The following EYS variants were observed in gnomAD, a reference collection of about 807,000 sequenced individuals.
EYS encodes protein eyes shut homolog.
In EYS, 250 loss-of-function variants were observed where a neutral mutation model predicts 282.1. That is an observed-to-expected ratio of 0.89 (90% CI 0.80 to 0.98). The LOEUF is 0.98. Ranked by LOEUF, EYS falls within the 50% of genes least tolerant of loss-of-function variation. EYS has a pLI of 0.00. For synonymous variants in EYS, 1,355 were observed against 1,282.9 expected (o/e 1.06, Z -1.20); for missense variants, 4,016 against 3,709.0 (o/e 1.08, Z -2.15).
intron 24 of EYS, among the ~76,000 whole-genome samples, chr6:64,615,180 A>G (rs186633569): frequency 1.5e-4 from 23 of 152,070 alleles, no homozygotes; most frequent in African/African-American, 5.1e-4. Context: ...ATGCAAATCA[A>G]TTTACCTTTT....
At chr6:65,399,900 T>C (rs17499123) in intron 7 of EYS, among the ~76,000 whole-genome samples, 13,440 of 152,072 alleles carry the variant, frequency 0.088, 846 homozygotes, top group Non-Finnish European at 0.13. Flanking sequence ...GACTTCATGG[T>C]TGCAAAATGA....
intron 19 of EYS, among the ~76,000 whole-genome samples, chr6:64,825,857 CA>C (rs566346677): frequency 3.2e-4 from 49 of 151,596 alleles, no homozygotes; most frequent in African/African-American, 1.2e-3. Context: ...AACTATGAAT[CA>C]AAATTTCTCT....
chr6:63,790,922 C>A (rs1413559235), intron 37 of EYS, among the ~76,000 whole-genome samples: 1 of 151,938 alleles, frequency 6.6e-6, no homozygotes, highest in Non-Finnish European at 1.5e-5. Flanking sequence ...TCAGCTGTAT[C>A]CTTCCTTTCT....
At chr6:64,574,494 A>G (rs1215495241) in intron 26 of EYS, among the ~76,000 whole-genome samples, 1 of 152,198 alleles carries the variant, frequency 6.6e-6, no homozygotes, top group African/African-American at 2.4e-5. Flanking sequence ...CCACTTCCCC[A>G]TGTAATATTG....
At chr6:64,949,961 C>G (rs1447449208) in intron 14 of EYS, among the ~76,000 whole-genome samples, 1 of 151,858 alleles carries the variant, frequency 6.6e-6, no homozygotes. Context: ...CTAGGCAAAA[C>G]AGTCTAGATC....
chr6:64,043,389 G>T (rs570550342), intron 33 of EYS, among the ~76,000 whole-genome samples: 7 of 152,318 alleles, frequency 4.6e-5, no homozygotes, highest in African/African-American at 1.7e-4. Flanking sequence ...TTACTGAAGA[G>T]CATGGGGACA....
intron 36 of EYS, among the ~76,000 whole-genome samples, chr6:63,829,709 G>C (rs941307023): frequency 6.6e-6 from 1 of 152,228 alleles, no homozygotes; most frequent in Non-Finnish European, 1.5e-5. Flanking sequence ...GCTTTGAAGA[G>C]AGTAGTGGTT....
At chr6:64,436,491 C>T (rs1187235640) in intron 27 of EYS, among the ~76,000 whole-genome samples, 1 of 151,742 alleles carries the variant, frequency 6.6e-6, no homozygotes, top group African/African-American at 2.4e-5. Flanking sequence ...CACATGCATA[C>T]ATGTGTACAC....
chr6:65,154,679 C>T lies in EYS; in HGVS notation c.2024-96952G>A, dbSNP rs534892937. ...GGATAATCTTTGAGTAGTCCCTTCA[C>T]TAAGTACATTTAATTACCTCCATTA... On this transcript the variant is annotated intron_variant, in intron 12 of 42. Transcript: ENST00000503581. Among the ~76,000 whole-genome samples, 3 of 151,508 alleles carry T rather than the reference C, an allele frequency of 2.0e-5. No homozygotes were observed. The South Asian group carries it at 6.2e-4, about 31-fold the overall frequency.
At chr6:64,603,465 C>T (rs571329950) in intron 24 of EYS, among the ~76,000 whole-genome samples, 3 of 152,116 alleles carry the variant, frequency 2.0e-5, no homozygotes, top group South Asian at 2.1e-4. Flanking sequence ...CACAGAACTT[C>T]GCCCTTCTTG....
At chr6:63,952,989 G>A (rs1034387349) in intron 35 of EYS, among the ~76,000 whole-genome samples, 2 of 152,142 alleles carry the variant, frequency 1.3e-5, no homozygotes, top group Admixed American at 6.5e-5. Context: ...CCAAAAACTG[G>A]ACAAGTCTTA....
intron 31 of EYS, among the ~76,000 whole-genome samples, chr6:64,169,333 C>A (rs1424841077): frequency 1.3e-5 from 2 of 151,306 alleles, no homozygotes; most frequent in African/African-American, 4.9e-5. Context: ...GATGCGTGAT[C>A]AGAGATATAC....
At chr6:65,203,215 G>A (rs1370699529) in intron 12 of EYS, among the ~76,000 whole-genome samples, 1 of 152,158 alleles carries the variant, frequency 6.6e-6, no homozygotes, top group Non-Finnish European at 1.5e-5. Context: ...CACAACTGCT[G>A]AAACCAGTTT....
In EYS at chr6:64,593,177, A is replaced by G. The variant is rs1226098665; in HGVS notation, c.3817T>C (p.Phe1273Leu). Reference sequence around the variant, plus strand: ...ATTCTAGTAGCCTTTATAGATGGAAAGCTGCTGACCAAAGTCTCAGAAGGG... The same window carrying G: ...ATTCTAGTAGCCTTTATAGATGGAAGGCTGCTGACCAAAGTCTCAGAAGGG... ...IPPSETLVSS[F>L]PSIKATRIPA... Residue 1273 changes from phenylalanine (F) to leucine (L), a missense_variant, in exon 25 of 43, where the codon TTT (phenylalanine) becomes CTT (leucine). By Grantham distance (22) the Phe-to-Leu change is conservative. Coordinates refer to ENST00000503581, the MANE Select transcript of EYS (RefSeq NM_001142800.2). 9 of 1,549,578 alleles carry G rather than the reference A, an allele frequency of 5.8e-6. No homozygotes were observed. Among genetic ancestry groups the G allele is most frequent in the Non-Finnish European group, 6.1e-6 (7 of 1,146,014 alleles).
intron 26 of EYS, among the ~76,000 whole-genome samples, chr6:64,520,356 A>C (rs1417795579): frequency 6.6e-6 from 1 of 151,776 alleles, no homozygotes; most frequent in Non-Finnish European, 1.5e-5. Flanking sequence ...TTTTTCTGTC[A>C]TATTAATTGT....
chr6:65,336,825 G>A (rs1233010764), intron 10 of EYS, among the ~76,000 whole-genome samples: 1 of 151,420 alleles, frequency 6.6e-6, no homozygotes, highest in Non-Finnish European at 1.5e-5. Context: ...ATGCCCAGTG[G>A]ATTCACCTGA....
chr6:65,379,540 C>T (rs1765531080), intron 8 of EYS, among the ~76,000 whole-genome samples: 1 of 151,916 alleles, frequency 6.6e-6, no homozygotes, highest in Non-Finnish European at 1.5e-5. Context: ...GAAAGCATTC[C>T]CTTTGAAAAC....
At chr6:65,704,696 A>C (rs1400100509) in intron 1 of EYS, among the ~76,000 whole-genome samples, 1 of 152,224 alleles carries the variant, frequency 6.6e-6, no homozygotes, top group East Asian at 1.9e-4. Context: ...CAGAAATTTT[A>C]GTTAGCACCA....
intron 30 of EYS, among the ~76,000 whole-genome samples, chr6:64,279,401 A>T (rs1008742099): frequency 1.7e-4 from 26 of 151,530 alleles, no homozygotes; most frequent in Admixed American, 1.3e-3. Flanking sequence ...GTAACAGAAA[A>T]TTTATAGTCA....
Sources: allele counts gnomAD v4.1 joint callset (sites outside exome capture counted in the v4.1 genomes callset), GRCh38; gene constraint gnomAD v4.1.1; transcripts MANE v1.5; gene names NCBI Gene and HGNC (gene_info 2026-07-23, HGNC 2026-07-21).